Variants in UNC13B observed in about 807,000 individuals in gnomAD.
The protein encoded by UNC13B is unc-13 homolog B, also known as protein unc-13 homolog B.
A neutral mutation model predicts 211.0 loss-of-function variants in UNC13B; 144 were observed. The ratio of observed to expected loss-of-function variants is 0.68; its 90% CI spans 0.60 to 0.78. UNC13B has a LOEUF of 0.78. Ranked by LOEUF, UNC13B falls within the 30% of genes least tolerant of loss-of-function variation. The pLI is 0.00. For missense variants in UNC13B, 1,777 were observed against 2,002.0 expected, an observed-to-expected ratio of 0.89 and a Z score of 2.14; for synonymous variants, 709 against 725.8, an observed-to-expected ratio of 0.98 and a Z score of 0.37.
In UNC13B at chr9:35,380,600, C is replaced by T. The variant is rs749570998; in HGVS notation, c.10336C>T (p.Arg3446Trp). 7.4e-6 allele frequency: 12 copies of T among 1,614,070 alleles called. No individual in the cohort carries two copies. The highest frequency in any genetic ancestry group is 5.3e-5 in the African/African-American group (4 of 74,912). Residue 3446 changes from arginine to tryptophan, a missense_variant, in exon 18 of 40, where the codon CGG becomes TGG. Coordinates refer to ENST00000635942, the MANE Select transcript of UNC13B (RefSeq NM_001371189.2). ...DFLGQTIIEV[R>W]TLSGEMDVWY... Reference sequence around the variant, plus strand: ...CCTTGGCCAAACCATCATTGAGGTTCGGACCCTAAGTGGCGAGATGGACGT... The same window carrying T: ...CCTTGGCCAAACCATCATTGAGGTTTGGACCCTAAGTGGCGAGATGGACGT...
At chr9:35,207,773 T>C (rs1160918889) in intron 1 of UNC13B, among the ~76,000 whole-genome samples, 35 of 152,220 alleles carry the variant, frequency 2.3e-4, no homozygotes, top group Non-Finnish European at 5.9e-5. Context: ...TTATTAGATA[T>C]ATTACTTGCA....
chr9:35,397,680 G>A lies in UNC13B; in HGVS notation c.11722G>A (p.Asp3908Asn). The change falls in exon 30 of 40, where the codon GAC (aspartate) becomes AAC (asparagine). Residue 3908 changes from aspartate (D) to asparagine (N), a missense_variant. Transcript: ENST00000635942. The part of the protein sequence containing the change: ...LMQYADILSK[D>N]FPAYCTKEKL... ...GCAGTATGCAGACATCTTGTCAAAG[G>A]ACTTCCCAGCCTATTGCACAAAGGA... 1 of 1,614,068 alleles carries A rather than the reference G, an allele frequency of 6.2e-7. No individual in the cohort carries two copies.
intron 1 of UNC13B, among the ~76,000 whole-genome samples, chr9:35,222,040 A>C (rs1824593788): frequency 1.3e-5 from 2 of 152,132 alleles, no homozygotes; most frequent in African/African-American, 4.8e-5. Flanking sequence ...CCAATACCAC[A>C]CTGTCTTGAT....
intron 11 of UNC13B, among the ~76,000 whole-genome samples, chr9:35,317,065 A>G (rs974028661): frequency 2.6e-5 from 4 of 152,264 alleles, no homozygotes; most frequent in African/African-American, 7.2e-5. Context: ...ATGCAGTTAT[A>G]CATCTATATA....
At chr9:35,242,729 A>C (rs960159970) in intron 5 of UNC13B, among the ~76,000 whole-genome samples, 1 of 152,194 alleles carries the variant, frequency 6.6e-6, no homozygotes, top group South Asian at 2.1e-4. Context: ...GCTATTGTGA[A>C]TAATGCTACT....
At chr9:35,175,079 G>A (rs942606391) in intron 1 of UNC13B, among the ~76,000 whole-genome samples, 1 of 152,248 alleles carries the variant, frequency 6.6e-6, no homozygotes, top group Non-Finnish European at 1.5e-5. Flanking sequence ...GATTACAGGC[G>A]TGAGCCCCTG....
At chr9:35,252,734 T>A (rs1329199464) in intron 6 of UNC13B, among the ~76,000 whole-genome samples, 1 of 151,982 alleles carries the variant, frequency 6.6e-6, no homozygotes, top group Non-Finnish European at 1.5e-5. Context: ...ATCGAGACCA[T>A]CCTGGCTAAC....
chr9:35,307,193 C>T lies in UNC13B; in HGVS notation c.7789C>T (p.Pro2597Ser), dbSNP rs1829965804. 1.3e-5 allele frequency: 5 copies of T among 398,882 alleles called. No individual in the cohort carries two copies. The East Asian group carries it at 1.8e-4, about 14-fold the overall frequency. The allele number at this position is 398,882 out of a possible 1,614,324, so 24.7% of individuals were successfully genotyped here. A position where few individuals can be genotyped will look rare whatever the true frequency, so the allele number is the denominator to read the frequency against. The change falls in exon 9 of 40, where the codon CCT (proline) becomes TCT (serine). Residue 2597 changes from proline to serine, a missense_variant. Coordinates refer to ENST00000635942, the MANE Select transcript of UNC13B (RefSeq NM_001371189.2). ...AACCAAAATGGAAGACAATAATACT[C>T]CTGAAAATATTCTGGAACCTCAACG... ...LTTKMEDNNT[P>S]ENILEPQRSE...
In UNC13B at chr9:35,381,099, G is replaced by C; in HGVS notation, c.10376-1G>C. ...AATCTCCAGTCTTCTTTCCTTCCTA[G>C]AGAAGAGGACAGACAAATCAGCCGT... On this transcript the variant is annotated splice_acceptor_variant, in intron 18 of 39. Transcript: ENST00000635942. LOFTEE classifies it high-confidence loss of function. 6.2e-7 allele frequency: 1 copy of C among 1,613,442 alleles called. No individual in the cohort carries two copies. Among genetic ancestry groups the C allele is most frequent in the Non-Finnish European group, 8.5e-7 (1 of 1,179,602 alleles).
At chr9:35,396,647 G>T (rs373117282) in intron 27 of UNC13B, 45 bp downstream of exon 27, 5 of 1,611,272 alleles carry the variant, frequency 3.1e-6, no homozygotes, top group Non-Finnish European at 4.2e-6. Context: ...AGCCCTCTGG[G>T]TGGGCAGGGC....
chr9:35,201,864 T>G (rs1823319631), intron 1 of UNC13B, among the ~76,000 whole-genome samples: 1 of 152,190 alleles, frequency 6.6e-6, no homozygotes, highest in Admixed American at 6.5e-5. Context: ...TCTTAGTTAT[T>G]TCTTGCCTTC....
intron 11 of UNC13B, among the ~76,000 whole-genome samples, chr9:35,318,664 C>T (rs774750564): frequency 6.6e-6 from 1 of 152,076 alleles, no homozygotes; most frequent in Non-Finnish European, 1.5e-5. Flanking sequence ...ATTTGTTCTG[C>T]AAGTATTTAG....
Position 35,403,597 on chromosome 9 carries a change from C to T in UNC13B, c.12735C>T (p.His4245=), listed in dbSNP as rs1305629220. ...CCCCCAAGTACAATGAGACATTCCA[C>T]TTGTAAGTTACGGGGGGGACATACA... ...NWAPKYNETF[H]FLLGNEEGPE... The change falls in exon 39 of 40, where the codon CAC becomes CAT. Residue 4245 remains histidine (H), a splice_region_variant and synonymous_variant. Coordinates refer to ENST00000635942, the MANE Select transcript of UNC13B (RefSeq NM_001371189.2). The T allele has an allele frequency of 2.0e-6, 3 of 1,526,100 alleles. No individual in the cohort carries two copies. Among genetic ancestry groups the T allele is most frequent in the African/African-American group, 1.5e-5 (1 of 66,098 alleles). The allele number at this position is 1,526,100 out of a possible 1,614,324, so 94.5% of individuals were successfully genotyped here.
chr9:35,366,891 A>G, intron 11 of UNC13B, 56 bp from the exon 12 acceptor site: 2 of 1,454,418 alleles, frequency 1.4e-6, no homozygotes, highest in Middle Eastern at 1.7e-4. Flanking sequence ...TGCTCAGATT[A>G]CAGGCAATCT....
chr9:35,371,937 A>G (rs932893582), intron 13 of UNC13B: 3 of 152,624 alleles, frequency 2.0e-5, no homozygotes, highest in African/African-American at 7.2e-5. Context: ...TACGCAGGCT[A>G]TGGTGAGTGT....
intron 11 of UNC13B, among the ~76,000 whole-genome samples, chr9:35,329,931 T>G (rs1005131709): frequency 1.3e-5 from 2 of 152,142 alleles, no homozygotes; most frequent in African/African-American, 4.8e-5. Context: ...TGAGGTCCAC[T>G]TGGAGAGAAA....
intron 11 of UNC13B, among the ~76,000 whole-genome samples, chr9:35,359,465 C>T (rs1018992385): frequency 6.6e-6 from 1 of 152,204 alleles, no homozygotes; most frequent in Non-Finnish European, 1.5e-5. Flanking sequence ...CTTCCATGAA[C>T]ACCAGACTCC....
At chr9:35,371,700 T>C (rs2132195595) in intron 13 of UNC13B, among the ~76,000 whole-genome samples, 1 of 152,226 alleles carries the variant, frequency 6.6e-6, no homozygotes, top group East Asian at 1.9e-4. Flanking sequence ...CTCTGTCTTT[T>C]GCCCTATCTT....
chr9:35,261,095 C>G (rs1200672693), intron 7 of UNC13B, among the ~76,000 whole-genome samples: 1 of 152,016 alleles, frequency 6.6e-6, no homozygotes, highest in Non-Finnish European at 1.5e-5. Flanking sequence ...AATGTTAAAC[C>G]TATAGAAAAG....
Sources: allele counts gnomAD v4.1 joint callset (sites outside exome capture counted in the v4.1 genomes callset), GRCh38; gene constraint gnomAD v4.1.1; transcripts MANE v1.5; gene names NCBI Gene and HGNC (gene_info 2026-07-23, HGNC 2026-07-21).